NFILZ: variants seen among roughly 807,000 people sequenced by gnomAD.
The protein encoded by NFILZ is NFIL3 like basic leucine zipper, also known as NFIL3 like protein.
At chr19:8,632,194 C>T (rs2042873326) in intron 1 of NFILZ, among the ~76,000 whole-genome samples, 1 of 150,912 alleles carries the variant, frequency 6.6e-6, no homozygotes, top group South Asian at 2.1e-4. Context: ...TACTGGGATG[C>T]TCTAGAGGAG....
rs1600158048 is a variant in NFILZ at position 8,678,054 on chromosome 19, A to AT, written c.*419_*420insT. 0.22 allele frequency among the ~76,000 whole-genome samples: 6,598 copies of AT among 29,848 alleles called. 415 individuals are homozygous for AT. Among genetic ancestry groups the AT allele is most frequent in the African/African-American group, 0.28 (2,455 of 8,778 alleles). The allele number at this position is 29,848 out of a possible 152,430, so 19.6% of individuals were successfully genotyped here. ...TATCCATCCATCCATCCATCCATCC[A>AT]CCCATCTATTCATCCATCCATCAAT... On this transcript the variant is annotated 3_prime_UTR_variant, in exon 6 of 6. Coordinates refer to ENST00000691075, the MANE Select transcript of NFILZ (RefSeq NM_001378600.1).
intron 2 of NFILZ, among the ~76,000 whole-genome samples, chr19:8,634,902 C>A (rs903684090): frequency 1.3e-5 from 1 of 74,840 alleles, no homozygotes; most frequent in Non-Finnish European, 3.1e-5. Context: ...AACAAACAAA[C>A]AAAAAAACAA....
rs1838706681 is a variant in NFILZ, at chr19:8,635,630, A to G, written c.-260-20A>G. 1 of 152,162 alleles carries G rather than the reference A, an allele frequency of 6.6e-6. No individual in the cohort carries two copies. Among genetic ancestry groups the G allele is most frequent in the South Asian group, 2.1e-4 (1 of 4,822 alleles). 9.4% of individuals were successfully genotyped at this position (152,162 alleles called of 1,614,324 possible). A position where few individuals can be genotyped will look rare whatever the true frequency, so the allele number is the denominator to read the frequency against. Reference sequence around the variant, plus strand: ...CCCTGGTATGGATGTGTCACCATGCATCCATTCATTTGTTGACAGACACGT... The same window carrying G: ...CCCTGGTATGGATGTGTCACCATGCGTCCATTCATTTGTTGACAGACACGT... On this transcript the variant is annotated intron_variant, in intron 2 of 5. Transcript: ENST00000691075.
intron 3 of NFILZ, among the ~76,000 whole-genome samples, chr19:8,642,165 G>C (rs541334103): frequency 6.8e-6 from 1 of 146,440 alleles, no homozygotes; most frequent in African/African-American, 2.5e-5. Flanking sequence ...TTTTATCACC[G>C]TTCTCTTTTT....
At chr19:8,653,013 T>TTTCC (rs1568420441) in intron 3 of NFILZ, among the ~76,000 whole-genome samples, 10 of 41,284 alleles carry the variant, frequency 2.4e-4, no homozygotes, top group African/African-American at 7.8e-4. Context: ...CCTTCCTTCC[T>TTTCC]TTCTTTCTTT....
chr19:8,662,398 T>C (rs1600150958), intron 3 of NFILZ, among the ~76,000 whole-genome samples: 1 of 150,362 alleles, frequency 6.7e-6, no homozygotes, highest in South Asian at 2.1e-4. Flanking sequence ...CTAAAGGAGG[T>C]GAGGGAGGAG....
intron 3 of NFILZ, among the ~76,000 whole-genome samples, chr19:8,647,791 G>GCACA (rs1349279601): frequency 0.035 from 2,422 of 69,832 alleles, 36 homozygotes; most frequent in Middle Eastern, 0.053. Context: ...GCGCGCGCGC[G>GCACA]CGCGCACACA....
Position 8,678,135 on chromosome 19 carries a change from ATT to A in NFILZ, c.*501_*502del, listed in dbSNP as rs2043125163. On this transcript the variant is annotated 3_prime_UTR_variant, in exon 6 of 6. Transcript: ENST00000691075. The stretch of plus-strand genomic sequence containing the variant: ...CATCCATCCATCCATCCCTCCATCC[ATT>A]CATCCACTTGTCCGTCCATCCATCC... Among the ~76,000 whole-genome samples, 1 of 142,394 alleles carries A rather than the reference ATT, an allele frequency of 7.0e-6. No individual in the cohort carries two copies. The highest frequency in any genetic ancestry group is 2.6e-5 in the African/African-American group (1 of 38,162). 93.4% of individuals were successfully genotyped at this position (142,394 alleles called of 152,430 possible).
At chr19:8,644,594 G>A (rs2042931239) in intron 3 of NFILZ, among the ~76,000 whole-genome samples, 1 of 151,590 alleles carries the variant, frequency 6.6e-6, no homozygotes, top group African/African-American at 2.4e-5. Context: ...CTGAGTAGCT[G>A]GGAACACAAG....
intron 3 of NFILZ, among the ~76,000 whole-genome samples, chr19:8,639,766 A>C (rs74549644): frequency 6.6e-6 from 1 of 152,124 alleles, no homozygotes; most frequent in Non-Finnish European, 1.5e-5. Context: ...AGTGTCTGGC[A>C]TATACCACAC....
chr19:8,633,877 C>CCCTTCCTTCCTTCCTTCCTT (rs782201553), intron 2 of NFILZ, among the ~76,000 whole-genome samples: 61 of 84,520 alleles, frequency 7.2e-4, no homozygotes, highest in Non-Finnish European at 9.1e-4. Flanking sequence ...TAACTTTTCT[C>CCCTTCCTTCCTTCCTTCCTT]CCTTCCTTCC....
Position 8,677,643 on chromosome 19 carries a change from CT to C in NFILZ, c.*9del, listed in dbSNP as rs1179656412. On this transcript the variant is annotated 3_prime_UTR_variant, in exon 6 of 6. Transcript: ENST00000691075. ...GGTCAGGCGCCCCTCTGAGGGCTTC[CT>C]CTGGGAAGGGCTAGGCTTGCAAGGG... The C allele has an allele frequency of 6.6e-6, 1 of 152,260 alleles. No individual in the cohort carries two copies. The highest frequency in any genetic ancestry group is 1.5e-5 in the Non-Finnish European group (1 of 68,116). 9.4% of individuals were successfully genotyped at this position (152,260 alleles called of 1,614,324 possible). A position where few individuals can be genotyped will look rare whatever the true frequency, so the allele number is the denominator to read the frequency against.
chr19:8,642,638 G>A (rs1178294146), intron 3 of NFILZ, among the ~76,000 whole-genome samples: 6 of 152,008 alleles, frequency 3.9e-5, no homozygotes, highest in East Asian at 3.9e-4. Flanking sequence ...TCTCCTCCAC[G>A]TGGCCTCTCC....
chr19:8,653,167 C>T (rs765505241), intron 3 of NFILZ, among the ~76,000 whole-genome samples: 7 of 151,158 alleles, frequency 4.6e-5, no homozygotes, highest in African/African-American at 1.5e-4. Flanking sequence ...CTGCAACCTT[C>T]GCCTCCCAAT....
At chr19:8,647,777 A>ATGCGCGCG (rs1206693434) in intron 3 of NFILZ, among the ~76,000 whole-genome samples, 19 of 66,378 alleles carry the variant, frequency 2.9e-4, no homozygotes, top group African/African-American at 1.1e-3. Flanking sequence ...ACACGCACAC[A>ATGCGCGCG]TGCGCGCGCG....
In NFILZ at chr19:8,653,038, T is replaced by TTCTTTCTCTCTCCCTC. The variant is rs1555747925; in HGVS notation, c.-164+17295_-164+17296insTTCTCTCTCCCTCTCT. Among the ~76,000 whole-genome samples the TTCTTTCTCTCTCCCTC allele has an allele frequency of 9.1e-4, 82 of 90,564 alleles. 3 individuals are homozygous for TTCTTTCTCTCTCCCTC. Among genetic ancestry groups the TTCTTTCTCTCTCCCTC allele is most frequent in the Non-Finnish European group, 1.1e-3 (52 of 46,136 alleles). 59.4% of individuals were successfully genotyped at this position (90,564 alleles called of 152,430 possible). A position where few individuals can be genotyped will look rare whatever the true frequency, so the allele number is the denominator to read the frequency against. On this transcript the variant is annotated intron_variant, in intron 3 of 5. Coordinates refer to ENST00000691075, the MANE Select transcript of NFILZ (RefSeq NM_001378600.1). ...TTTCTTTCTTTCTTTCTTTCTTTCT[T>TTCTTTCTCTCTCCCTC]TCTCTCTCTCTCTCTCTCTCTCTCT...
intron 3 of NFILZ, among the ~76,000 whole-genome samples, chr19:8,670,920 G>A (rs2043083543): frequency 6.6e-6 from 1 of 151,618 alleles, no homozygotes; most frequent in African/African-American, 2.4e-5. Flanking sequence ...GCTTGAACCT[G>A]GGAGGCGGAG....
chr19:8,632,190 G>A (rs566267728), intron 1 of NFILZ, among the ~76,000 whole-genome samples: 9 of 150,912 alleles, frequency 6.0e-5, no homozygotes, highest in Admixed American at 4.0e-4. Context: ...TTATTACTGG[G>A]ATGCTCTAGA....
intron 3 of NFILZ, among the ~76,000 whole-genome samples, chr19:8,657,026 G>A (rs1258343794): frequency 3.3e-5 from 5 of 152,028 alleles, no homozygotes; most frequent in Non-Finnish European, 7.4e-5. Flanking sequence ...AAGGATTTGG[G>A]GTGCAGTATT....
Sources: allele counts gnomAD v4.1 joint callset (sites outside exome capture counted in the v4.1 genomes callset), GRCh38; gene constraint gnomAD v4.1.1; transcripts MANE v1.5; gene names NCBI Gene and HGNC (gene_info 2026-07-23, HGNC 2026-07-21).